The following PRELID2 variants were observed in gnomAD, a reference collection of about 807,000 sequenced individuals.
PRELID2 encodes the protein PRELI domain-containing protein 2.
PRELID2 carries 25 observed loss-of-function variants against 28.4 expected under a neutral mutation model. That is an observed-to-expected ratio of 0.88 (90% confidence interval 0.64 to 1.23). The LOEUF (loss-of-function observed/expected upper bound fraction) is 1.23, where lower values mean the gene tolerates loss of function less well. PRELID2 is among the 50% of genes most tolerant of loss of function. The pLI, the probability that PRELID2 is intolerant of heterozygous loss-of-function variation, is 0.00. For missense variants in PRELID2, 201 were observed against 214.4 expected (o/e 0.94, Z 0.39); for synonymous variants, 76 against 71.6 (o/e 1.06, Z -0.31).
chr5:145,775,968 A>G (rs1022973312), intron 5 of PRELID2, among the ~76,000 whole-genome samples: 1 of 152,248 alleles, frequency 6.6e-6, no homozygotes, highest in Admixed American at 6.5e-5. Context: ...TGATTAAAAA[A>G]TAAAATCTCT....
At chr5:145,244,397 G>A in the PRELID2 span, among the ~76,000 whole-genome samples, 2 of 152,008 alleles carry the variant, frequency 1.3e-5, no homozygotes, top group African/African-American at 4.8e-5. Context: ...AAAGTGCCTG[G>A]CGGGTGGCAG....
chr5:145,814,249 T>G (rs991340671), intron 4 of PRELID2, among the ~76,000 whole-genome samples: 1 of 152,222 alleles, frequency 6.6e-6, no homozygotes, highest in African/African-American at 2.4e-5. Flanking sequence ...TAAGACTAGC[T>G]AATAGCTCAA....
At chr5:145,818,108 A>C in intron 3 of PRELID2, 54 bp from the exon 4 acceptor site, 1 of 1,554,172 alleles carries the variant, frequency 6.4e-7, no homozygotes, top group Non-Finnish European at 8.8e-7. Flanking sequence ...AGGCAACATA[A>C]TGACTGCATC....
the PRELID2 span, among the ~76,000 whole-genome samples, chr5:145,422,217 G>C: frequency 7.6e-3 from 1,135 of 149,152 alleles, 9 homozygotes; most frequent in African/African-American, 0.026. Context: ...CTGTTGATTT[G>C]GGGTGGAGAG....
chr5:145,261,180 T>C, the PRELID2 span, among the ~76,000 whole-genome samples: 15 of 151,680 alleles, frequency 9.9e-5, no homozygotes, highest in Middle Eastern at 6.8e-3. Flanking sequence ...CCAAGGAGAG[T>C]CTGAGCTCAG....
the PRELID2 span, among the ~76,000 whole-genome samples, chr5:145,401,495 T>C: frequency 6.6e-6 from 1 of 152,154 alleles, no homozygotes; most frequent in Non-Finnish European, 1.5e-5. Context: ...TTGAAATGCA[T>C]TAGATCCTTA....
chr5:145,524,426 C>A (rs1400649797), intron 1 of PRELID2, among the ~76,000 whole-genome samples: 1 of 152,154 alleles, frequency 6.6e-6, no homozygotes, highest in Non-Finnish European at 1.5e-5. Flanking sequence ...GAGGATGGCC[C>A]TAGATGAAGG....
At chr5:145,254,244 G>A in the PRELID2 span, among the ~76,000 whole-genome samples, 4 of 152,010 alleles carry the variant, frequency 2.6e-5, no homozygotes, top group African/African-American at 7.2e-5. Context: ...AAATATCCAT[G>A]TTAAACATAT....
intron 1 of PRELID2, among the ~76,000 whole-genome samples, chr5:145,530,442 A>G (rs1232576025): frequency 6.6e-6 from 1 of 152,054 alleles, no homozygotes; most frequent in Non-Finnish European, 1.5e-5. Context: ...GCCTTGAAGA[A>G]TGAGTAGGAG....
intron 1 of PRELID2, among the ~76,000 whole-genome samples, chr5:145,633,294 T>A (rs938545716): frequency 1.3e-5 from 2 of 152,170 alleles, no homozygotes; most frequent in Admixed American, 6.5e-5. Context: ...GCAAATTTTT[T>A]AAAAACCTAA....
chr5:145,500,343 C>T (rs1752348992), intron 1 of PRELID2, among the ~76,000 whole-genome samples: 1 of 152,106 alleles, frequency 6.6e-6, no homozygotes, highest in African/African-American at 2.4e-5. Context: ...TGCCTCCTTC[C>T]CCTTTGCCTT....
intron 1 of PRELID2, among the ~76,000 whole-genome samples, chr5:145,637,488 C>G (rs950021460): frequency 6.6e-6 from 1 of 151,880 alleles, no homozygotes; most frequent in African/African-American, 2.4e-5. Flanking sequence ...TAAGGTCTTG[C>G]CCAGAATTGG....
At chr5:145,322,332 G>A in the PRELID2 span, among the ~76,000 whole-genome samples, 1 of 152,058 alleles carries the variant, frequency 6.6e-6, no homozygotes, top group African/African-American at 2.4e-5. Context: ...AGGAGAATAG[G>A]GCTTCAGCTC....
chr5:145,362,006 G>A, the PRELID2 span, among the ~76,000 whole-genome samples: 1 of 152,136 alleles, frequency 6.6e-6, no homozygotes, highest in Non-Finnish European at 1.5e-5. Flanking sequence ...ACACAATCAT[G>A]ATTCAACAAG....
chr5:145,645,337 G>GTT (rs1754178246), intron 1 of PRELID2, among the ~76,000 whole-genome samples: 1 of 90,446 alleles, frequency 1.1e-5, no homozygotes, highest in African/African-American at 5.7e-5. Context: ...TGCAACTCCT[G>GTT]CTTTTTTTTT....
chr5:145,767,933 A>C (rs943355076), intron 5 of PRELID2, among the ~76,000 whole-genome samples: 8 of 152,168 alleles, frequency 5.3e-5, no homozygotes, highest in African/African-American at 2.4e-5. Flanking sequence ...TTCCATTTAA[A>C]GAATTAGGGG....
rs553597659 is a variant in PRELID2, at chr5:145,600,876, G to A, written n.71-127561C>T. Among the ~76,000 whole-genome samples the A allele has an allele frequency of 2.0e-5, 3 of 152,294 alleles. No homozygotes were observed. The South Asian group carries it at 6.2e-4, about 32-fold the overall frequency. On this transcript the variant is annotated intron_variant and non_coding_transcript_variant, in intron 1 of 2. Transcript: ENST00000510259. ...AATATCAAAAAATAAGCCCAGGCTG[G>A]TGTGATGGCTTATTCCTTTAATCCC...
At chr5:145,424,756 T>C in the PRELID2 span, among the ~76,000 whole-genome samples, 1 of 152,070 alleles carries the variant, frequency 6.6e-6, no homozygotes, top group Admixed American at 6.6e-5. Context: ...CCCATCCATA[T>C]ACAAAAATTA....
At position 145,809,825 on chromosome 5, in the gene PRELID2, A is replaced by G. The variant is rs148282004; in HGVS notation, c.368+8069T>C. 1.7e-3 allele frequency among the ~76,000 whole-genome samples: 263 copies of G among 152,374 alleles called. 1 individual carries two copies. Among genetic ancestry groups the G allele is most frequent in the Non-Finnish European group, 2.8e-3 (193 of 68,032 alleles). On this transcript the variant is annotated intron_variant, in intron 4 of 6. Coordinates refer to ENST00000683046, the MANE Select transcript of PRELID2 (RefSeq NM_205846.3). ...ATAAAAACACATATGCTGGAAGAGT[A>G]AAGCTGAAGAAAATGCTTTTACTAG...
Sources: allele counts gnomAD v4.1 joint callset (sites outside exome capture counted in the v4.1 genomes callset), GRCh38; gene constraint gnomAD v4.1.1; transcripts MANE v1.5; gene names NCBI Gene and HGNC (gene_info 2026-07-23, HGNC 2026-07-21).